The following ERC2 variants were observed in gnomAD, a reference collection of about 807,000 sequenced individuals.
The protein encoded by ERC2 is ELKS/RAB6-interacting/CAST family member 2.
A neutral mutation model predicts 114.8 loss-of-function variants in ERC2; 42 were observed. The observed-to-expected ratio is 0.37, with a 90% CI of 0.29 to 0.47. ERC2 has a LOEUF of 0.47. Among genes scored for constraint, ERC2 ranks in the 20% least tolerant of loss-of-function variants. The pLI is 0.99. For synonymous variants in ERC2, 454 were observed against 425.5 expected (o/e 1.07, Z -0.82); for missense variants, 939 against 1,150.7 (o/e 0.82, Z 2.66).
intron 16 of ERC2, among the ~76,000 whole-genome samples, chr3:55,689,725 G>T (rs891437070): frequency 6.6e-6 from 1 of 151,772 alleles, no homozygotes. Flanking sequence ...CCTGGGAGAT[G>T]GAGGTTGCGG....
At chr3:56,086,287 G>C (rs988886361) in intron 6 of ERC2, among the ~76,000 whole-genome samples, 2 of 152,060 alleles carry the variant, frequency 1.3e-5, no homozygotes, top group African/African-American at 4.8e-5. Context: ...GGAGAGCGAG[G>C]ATGGTTGTGA....
At chr3:56,291,966 ATATTATTACG>A (rs2055118248) in intron 3 of ERC2, among the ~76,000 whole-genome samples, 1 of 152,220 alleles carries the variant, frequency 6.6e-6, no homozygotes, top group Admixed American at 6.5e-5. Context: ...AACCATTTGT[ATATTATTACG>A]TATTTGGTAG....
intron 7 of ERC2, among the ~76,000 whole-genome samples, chr3:56,037,784 G>C (rs899773535): frequency 6.6e-6 from 1 of 152,148 alleles, no homozygotes; most frequent in Non-Finnish European, 1.5e-5. Context: ...AAGGAAAAAT[G>C]TTAAGGGCAG....
chr3:56,462,444 T>C (rs2063353949), intron 1 of ERC2, among the ~76,000 whole-genome samples: 2 of 152,196 alleles, frequency 1.3e-5, no homozygotes, highest in African/African-American at 4.8e-5. Flanking sequence ...CTCAGTGGTC[T>C]CCCAACCTCT....
chr3:55,529,475 A>C (rs2053538499), intron 17 of ERC2, among the ~76,000 whole-genome samples: 1 of 152,248 alleles, frequency 6.6e-6, no homozygotes, highest in Non-Finnish European at 1.5e-5. Context: ...TTGCAGTTCC[A>C]AGAGTAGCCT....
chr3:56,014,142 A>G (rs2073146604), intron 8 of ERC2, among the ~76,000 whole-genome samples: 1 of 152,188 alleles, frequency 6.6e-6, no homozygotes, highest in Non-Finnish European at 1.5e-5. Flanking sequence ...TTGGAAATAA[A>G]TAGCTCACAA....
intron 3 of ERC2, among the ~76,000 whole-genome samples, chr3:56,245,354 A>G (rs947037750): frequency 6.6e-6 from 1 of 152,052 alleles, no homozygotes; most frequent in Non-Finnish European, 1.5e-5. Context: ...GAACTTGATC[A>G]TTTTGGGAAA....
chr3:55,731,533 G>A (rs759760157), intron 15 of ERC2, among the ~76,000 whole-genome samples: 4 of 152,212 alleles, frequency 2.6e-5, no homozygotes, highest in East Asian at 1.9e-4. Context: ...TGAGGTTGAA[G>A]AAGGTTTAGT....
intron 3 of ERC2, among the ~76,000 whole-genome samples, chr3:56,254,841 C>T (rs1046471495): frequency 4.6e-5 from 7 of 152,040 alleles, no homozygotes; most frequent in African/African-American, 1.7e-4. Flanking sequence ...TAATAATATA[C>T]ATAAAGAACA....
intron 2 of ERC2, among the ~76,000 whole-genome samples, chr3:56,333,597 G>C (rs1472112267): frequency 1.3e-5 from 2 of 152,126 alleles, no homozygotes; most frequent in Admixed American, 6.5e-5. Flanking sequence ...AGATCACAAA[G>C]ACACTCCAAA....
intron 14 of ERC2, among the ~76,000 whole-genome samples, chr3:55,835,491 A>C (rs1420225167): frequency 6.6e-6 from 1 of 152,234 alleles, no homozygotes; most frequent in African/African-American, 2.4e-5. Context: ...AACAGAACCA[A>C]AGACAAAAAC....
chr3:56,227,577 C>G (rs1575952332), intron 3 of ERC2, among the ~76,000 whole-genome samples: 1 of 152,150 alleles, frequency 6.6e-6, no homozygotes, highest in South Asian at 2.1e-4. Flanking sequence ...TCCATCTGCA[C>G]TGCCTCTGCA....
At chr3:56,335,548 A>T (rs2057811297) in intron 2 of ERC2, among the ~76,000 whole-genome samples, 1 of 152,226 alleles carries the variant, frequency 6.6e-6, no homozygotes, top group African/African-American at 2.4e-5. Context: ...AGCATTATTA[A>T]TGATCTATAA....
chr3:56,168,259 A>T (rs960529543), intron 4 of ERC2, among the ~76,000 whole-genome samples: 1 of 152,118 alleles, frequency 6.6e-6, no homozygotes, highest in African/African-American at 2.4e-5. Flanking sequence ...TGTAGCCCTT[A>T]TGTGTGGTAG....
chr3:56,290,351 T>G lies in ERC2; in HGVS notation c.1074+5668A>C, dbSNP rs529746841. 4.1e-4 allele frequency among the ~76,000 whole-genome samples: 63 copies of G among 152,338 alleles called. 1 individual carries two copies. In the South Asian group the frequency reaches 5.0e-3, roughly 12 times the overall value. On this transcript the variant is annotated intron_variant, in intron 3 of 17. Transcript: ENST00000288221. ...GCAGCTACTGGCAATATCTGAGGTC[T>G]GGGAATACTGATGGAATGTACTGAT... is the stretch of plus-strand genomic sequence containing the variant.
chr3:56,401,831 G>C (rs2060531066), intron 2 of ERC2, among the ~76,000 whole-genome samples: 1 of 152,132 alleles, frequency 6.6e-6, no homozygotes. Context: ...CATAGGCAGT[G>C]TATTTTTCTG....
In ERC2 at chr3:56,310,359, C is replaced by A. The variant is rs776141409; in HGVS notation, c.658-13924G>T. Among the ~76,000 whole-genome samples the A allele has an allele frequency of 1.6e-3, 238 of 152,326 alleles. 1 individual carries two copies. The highest frequency in any genetic ancestry group is 2.4e-3 in the Non-Finnish European group (165 of 68,036). On this transcript the variant is annotated intron_variant, in intron 2 of 17. Transcript: ENST00000288221. ...ATTATAGGACGGCTCTTTCATTTAA[C>A]TGCTTAGCAAATGTTTAATGCCAAT...
chr3:56,072,184 G>T, intron 7 of ERC2: 1 of 158,968 alleles, frequency 6.3e-6, no homozygotes. Flanking sequence ...CTGGTAGGCG[G>T]GTGTCCCCTT....
intron 12 of ERC2, among the ~76,000 whole-genome samples, chr3:55,958,432 G>T (rs145278405): frequency 6.6e-6 from 1 of 152,332 alleles, no homozygotes; most frequent in Non-Finnish European, 1.5e-5. Context: ...CTGGGCTTCA[G>T]ACTCCACCCA....
Sources: allele counts gnomAD v4.1 joint callset (sites outside exome capture counted in the v4.1 genomes callset), GRCh38; gene constraint gnomAD v4.1.1; transcripts MANE v1.5; gene names NCBI Gene and HGNC (gene_info 2026-07-23, HGNC 2026-07-21).